Variants in DCLRE1C observed in about 807,000 individuals in gnomAD.
DCLRE1C encodes the protein DNA cross-link repair 1C.
In DCLRE1C, 47 loss-of-function variants were observed where a neutral mutation model predicts 61.4. The observed-to-expected ratio is 0.77, with a 90% CI of 0.61 to 0.98. The LOEUF (loss-of-function observed/expected upper bound fraction) is 0.98. Among genes scored for constraint, DCLRE1C ranks in the 50% least tolerant of loss-of-function variants. The pLI, the probability that DCLRE1C is intolerant of heterozygous loss-of-function variation, is 0.00. For synonymous variants in DCLRE1C, 337 were observed against 287.6 expected (o/e 1.17, Z -1.74); for missense variants, 858 against 816.0 (o/e 1.05, Z -0.63).
chr10:14,902,703 T>C (rs1054167401), downstream of DCLRE1C: 2 of 438,662 alleles, frequency 4.6e-6, no homozygotes, highest in East Asian at 3.8e-5. Context: ...TAGACTGATA[T>C]GAAGTCGACA....
chr10:14,908,871 T>G lies in DCLRE1C; in HGVS notation c.1616A>C (p.Gln539Pro). ...TCCTTGTTCTGTTATGTGTGTTGAC[T>G]GGGAAGAATTCTGGGAGGAGATGTG... ...STHISSQNSS[Q>P]STHITEQGSQ... Residue 539 changes from glutamine (Q) to proline (P), a missense_variant, in exon 14 of 14, where the codon CAG (glutamine) becomes CCG (proline). By Grantham distance (76) the Gln-to-Pro change is moderately conservative. Around this residue, in one of 2 missense-constraint regions of DCLRE1C, gnomAD observed 843 missense variants for 783.5 expected, o/e 1.08. Transcript: ENST00000378278. 6.2e-7 allele frequency: 1 copy of G among 1,614,216 alleles called. No individual in the cohort carries two copies.
downstream of DCLRE1C, among the ~76,000 whole-genome samples, chr10:14,900,232 C>T (rs1217525714): frequency 6.6e-6 from 1 of 152,198 alleles, no homozygotes; most frequent in Non-Finnish European, 1.5e-5. Context: ...TGGCACTTAA[C>T]TGCAGAATTC....
At chr10:14,901,519 T>A (rs1834006969), downstream of DCLRE1C, among the ~76,000 whole-genome samples, 1 of 152,118 alleles carries the variant, frequency 6.6e-6, no homozygotes, top group South Asian at 2.1e-4. Flanking sequence ...TTATTTATTA[T>A]AGCATCTTAA....
At chr10:14,935,803 T>C (rs1839811506) in intron 5 of DCLRE1C, among the ~76,000 whole-genome samples, 1 of 152,356 alleles carries the variant, frequency 6.6e-6, no homozygotes, top group Admixed American at 6.5e-5. Context: ...TGTGATATGT[T>C]AGCACTTTCA....
chr10:14,915,652 C>A (rs1255011541), intron 13 of DCLRE1C, among the ~76,000 whole-genome samples: 2 of 149,844 alleles, frequency 1.3e-5, no homozygotes. Context: ...AAAAAAAAAA[C>A]CTTCCCACAA....
At chr10:14,936,891 A>G (rs1328856584) in intron 4 of DCLRE1C, among the ~76,000 whole-genome samples, 1 of 152,240 alleles carries the variant, frequency 6.6e-6, no homozygotes, top group Non-Finnish European at 1.5e-5. Flanking sequence ...ACTAGCCAAA[A>G]GGTGGAACCA....
intron 13 of DCLRE1C, among the ~76,000 whole-genome samples, chr10:14,910,583 T>C (rs1835091847): frequency 6.6e-6 from 1 of 152,178 alleles, no homozygotes; most frequent in South Asian, 2.1e-4. Flanking sequence ...CATGAGCCAC[T>C]TTGCCTAGCC....
intron 9 of DCLRE1C, among the ~76,000 whole-genome samples, chr10:14,931,030 C>T (rs1037160011): frequency 1.3e-5 from 2 of 152,092 alleles, no homozygotes; most frequent in Non-Finnish European, 2.9e-5. Context: ...ACCATTATTA[C>T]TACAATAATA....
chr10:14,915,281 T>A (rs1358548789), intron 13 of DCLRE1C, among the ~76,000 whole-genome samples: 2 of 150,388 alleles, frequency 1.3e-5, no homozygotes, highest in East Asian at 1.9e-4. Context: ...AAGATCAGAG[T>A]GGAATTCAAT....
At position 14,932,847 on chromosome 10, in the gene DCLRE1C, C is replaced by T. The variant is rs373071122; in HGVS notation, c.780+7G>A. 18 of 1,613,882 alleles carry T rather than the reference C, an allele frequency of 1.1e-5. No individual in the cohort carries two copies. The highest frequency in any genetic ancestry group is 1.4e-5 in the Non-Finnish European group (16 of 1,179,880). On this transcript the variant is annotated splice_region_variant and intron_variant, in intron 9 of 13. Coordinates refer to ENST00000378278, the MANE Select transcript of DCLRE1C (RefSeq NM_001033855.3). ...AACAATACGAGAGGAATCACTTGCA[C>T]ACGTACCTTGGGATGCCGGCATGCA...
intron 3 of DCLRE1C, among the ~76,000 whole-genome samples, chr10:14,940,152 C>T (rs1210978913): frequency 1.3e-5 from 2 of 152,136 alleles, no homozygotes; most frequent in Non-Finnish European, 2.9e-5. Flanking sequence ...CTTCATCTCC[C>T]CATCCCTACC....
chr10:14,943,971 A>G (rs1841281974), intron 3 of DCLRE1C, among the ~76,000 whole-genome samples: 1 of 151,926 alleles, frequency 6.6e-6, no homozygotes, highest in African/African-American at 2.4e-5. Context: ...TTTTCTATTC[A>G]CCAGACTTTT....
Position 14,930,192 on chromosome 10 carries a change from A to G in DCLRE1C, c.781-2040T>C, listed in dbSNP as rs191131583. 1.9e-3 allele frequency among the ~76,000 whole-genome samples: 280 copies of G among 149,660 alleles called. 1 individual carries two copies. Among genetic ancestry groups the G allele is most frequent in the Non-Finnish European group, 2.8e-3 (191 of 67,672 alleles). On this transcript the variant is annotated intron_variant, in intron 9 of 13. Transcript: ENST00000378278. ...AGTGGTACAATCTTGGCTTACTGCA[A>G]CCTCCACCTCCCAAACTCAAGCAAT...
rs1834298499 is a variant in DCLRE1C, at chr10:14,905,287, G to A, written c.*3121C>T. Among the ~76,000 whole-genome samples the A allele has an allele frequency of 6.6e-6, 1 of 152,222 alleles. No individual in the cohort carries two copies. The highest frequency in any genetic ancestry group is 2.4e-5 in the African/African-American group (1 of 41,452). ...GCATTTGAATATTAAAGGACAATTTGACATTTCGCTAGCATAATGTGGATG... is the reference window on the plus strand; with the variant it reads ...GCATTTGAATATTAAAGGACAATTTAACATTTCGCTAGCATAATGTGGATG... On this transcript the variant is annotated 3_prime_UTR_variant, in exon 14 of 14. Transcript: ENST00000378278.
chr10:14,930,917 C>T (rs1482728657), intron 9 of DCLRE1C, among the ~76,000 whole-genome samples: 3 of 152,168 alleles, frequency 2.0e-5, no homozygotes, highest in South Asian at 2.1e-4. Context: ...CAGCTCTCAC[C>T]GTGGCCTACA....
intron 13 of DCLRE1C, among the ~76,000 whole-genome samples, chr10:14,916,998 A>T (rs1836307423): frequency 1.3e-5 from 2 of 152,248 alleles, no homozygotes; most frequent in South Asian, 4.1e-4. Flanking sequence ...AAAGCACCTG[A>T]CTTCAAGATT....
chr10:14,925,668 T>C (rs1055194632), intron 11 of DCLRE1C, among the ~76,000 whole-genome samples: 2 of 152,200 alleles, frequency 1.3e-5, no homozygotes, highest in Admixed American at 6.5e-5. Context: ...CTATCTAACA[T>C]ACATATTTTC....
chr10:14,951,611 G>GAAGATC (rs1842476821), intron 1 of DCLRE1C, among the ~76,000 whole-genome samples: 1 of 152,070 alleles, frequency 6.6e-6, no homozygotes, highest in African/African-American at 2.4e-5. Flanking sequence ...AGGAAGCTGG[G>GAAGATC]AAGATCAAGA....
intron 5 of DCLRE1C, 116 bp from the exon 6 acceptor site, chr10:14,935,680 G>T: frequency 2.4e-5 from 24 of 1,016,760 alleles, no homozygotes; most frequent in Non-Finnish European, 3.7e-5. Flanking sequence ...ACAATACAAT[G>T]GTAATGGAAT....
Sources: allele counts gnomAD v4.1 joint callset (sites outside exome capture counted in the v4.1 genomes callset), GRCh38; gene constraint gnomAD v4.1.1; regional missense constraint gnomAD v4.1.1; transcripts MANE v1.5; gene names NCBI Gene and HGNC (gene_info 2026-07-23, HGNC 2026-07-21).